The following UST variants were observed in gnomAD, a reference collection of about 807,000 sequenced individuals.
UST encodes the protein uronyl 2-sulfotransferase, also known as chondroitin sulfate 2-O-sulfotransferase.
UST carries 21 observed loss-of-function variants against 45.6 expected under a neutral mutation model. The observed-to-expected ratio is 0.46, with a 90% CI of 0.33 to 0.66. UST has a LOEUF of 0.66. Ranked by LOEUF, UST falls within the 30% of genes least tolerant of loss-of-function variation. The pLI is 0.02. For synonymous variants in UST, 215 were observed against 200.6 expected, an observed-to-expected ratio of 1.07 and a Z score of -0.61; for missense variants, 463 against 512.4, an observed-to-expected ratio of 0.90 and a Z score of 0.93.
intron 1 of UST, among the ~76,000 whole-genome samples, chr6:148,842,594 G>A (rs1264260833): frequency 6.6e-6 from 1 of 152,136 alleles, no homozygotes; most frequent in Admixed American, 6.5e-5. Context: ...AAGGTGGTGG[G>A]GAGTTTTCTC....
At chr6:148,786,274 G>A (rs184431003) in intron 1 of UST, among the ~76,000 whole-genome samples, 7 of 152,162 alleles carry the variant, frequency 4.6e-5, no homozygotes, top group African/African-American at 1.7e-4. Context: ...AGGATGTGCA[G>A]GTTCGTTACA....
At chr6:148,900,608 G>T (rs1043034514) in intron 2 of UST, among the ~76,000 whole-genome samples, 2 of 152,136 alleles carry the variant, frequency 1.3e-5, no homozygotes, top group Admixed American at 1.3e-4. Context: ...TTTGTAAATT[G>T]CCCAGTCTGG....
chr6:148,846,627 T>G (rs1777998025), intron 1 of UST, among the ~76,000 whole-genome samples: 1 of 151,980 alleles, frequency 6.6e-6, no homozygotes, highest in Non-Finnish European at 1.5e-5. Context: ...AATAAATAAA[T>G]AAATAAAATA....
At chr6:148,811,681 G>C (rs1175571295) in intron 1 of UST, among the ~76,000 whole-genome samples, 1 of 152,184 alleles carries the variant, frequency 6.6e-6, no homozygotes, top group Non-Finnish European at 1.5e-5. Flanking sequence ...CATGGCTTTT[G>C]CAGCATTTGA....
chr6:149,028,934 A>G (rs565300333), intron 7 of UST, among the ~76,000 whole-genome samples: 1 of 152,344 alleles, frequency 6.6e-6, no homozygotes, highest in African/African-American at 2.4e-5. Context: ...CCTAAGATTC[A>G]GCTCTTGAAA....
intron 2 of UST, among the ~76,000 whole-genome samples, chr6:148,937,850 G>T (rs1045461023): frequency 6.6e-6 from 1 of 152,194 alleles, no homozygotes; most frequent in Non-Finnish European, 1.5e-5. Flanking sequence ...TATGTTGGCA[G>T]CTCTGTCGTA....
At chr6:148,856,604 T>C (rs1477690455) in intron 1 of UST, among the ~76,000 whole-genome samples, 2 of 152,184 alleles carry the variant, frequency 1.3e-5, no homozygotes, top group African/African-American at 2.4e-5. Context: ...GAGATGGGAC[T>C]AGGGTTGCGG....
chr6:148,871,141 T>TCTCTCC (rs1358705372), intron 1 of UST, among the ~76,000 whole-genome samples: 6 of 149,368 alleles, frequency 4.0e-5, no homozygotes, highest in African/African-American at 1.5e-4. Context: ...TCTCTCTCTC[T>TCTCTCC]CTCTCCCTCT....
intron 1 of UST, among the ~76,000 whole-genome samples, chr6:148,772,941 CA>C (rs1213795189): frequency 8.5e-5 from 13 of 152,264 alleles, no homozygotes; most frequent in South Asian, 8.3e-4. Flanking sequence ...ACTTTATTAA[CA>C]TTTTTTTGCG....
intron 7 of UST, among the ~76,000 whole-genome samples, chr6:149,052,608 C>T (rs916714440): frequency 5.9e-5 from 9 of 152,124 alleles, no homozygotes; most frequent in Non-Finnish European, 1.0e-4. Context: ...CTCTCTCTCT[C>T]TCTCTCTGAA....
intron 7 of UST, among the ~76,000 whole-genome samples, chr6:149,063,491 C>A (rs1776687335): frequency 6.6e-6 from 1 of 152,184 alleles, no homozygotes; most frequent in South Asian, 2.1e-4. Flanking sequence ...GCCTTGCCAG[C>A]ACTATTGGTC....
chr6:148,947,146 G>A lies in UST; in HGVS notation c.447+5712G>A, dbSNP rs142975601. ...TCCCGAACTTTAAATGCTGGGCTTC[G>A]GAGTTGGAACTTTCTTCTGTAGACA... On this transcript the variant is annotated intron_variant, in intron 3 of 7. Coordinates refer to ENST00000367463, the MANE Select transcript of UST (RefSeq NM_005715.3). Among the ~76,000 whole-genome samples, 52 of 152,180 alleles carry A rather than the reference G, an allele frequency of 3.4e-4. No individual in the cohort carries two copies. In the East Asian group the frequency reaches 8.3e-3, roughly 24 times the overall value.
At chr6:148,800,133 G>T (rs1291423372) in intron 1 of UST, among the ~76,000 whole-genome samples, 2 of 152,158 alleles carry the variant, frequency 1.3e-5, no homozygotes, top group Non-Finnish European at 2.9e-5. Context: ...TAATAAAAAT[G>T]CTGGGCTTTG....
chr6:148,869,505 A>G (rs146717400), intron 1 of UST, among the ~76,000 whole-genome samples: 24 of 152,320 alleles, frequency 1.6e-4, no homozygotes, highest in African/African-American at 5.8e-4. Context: ...CTTATTTTAC[A>G]TTTGAAGGCC....
At chr6:148,979,071 G>A (rs932925438) in intron 5 of UST, among the ~76,000 whole-genome samples, 3 of 151,924 alleles carry the variant, frequency 2.0e-5, no homozygotes, top group South Asian at 2.1e-4. Context: ...AACACCCCTC[G>A]GCCCCGCATG....
intron 1 of UST, among the ~76,000 whole-genome samples, chr6:148,847,992 A>G (rs1340438841): frequency 6.6e-6 from 1 of 152,220 alleles, no homozygotes; most frequent in Non-Finnish European, 1.5e-5. Context: ...GTGACCCCCT[A>G]TAACCTAAGT....
chr6:148,833,272 G>A (rs996478029), intron 1 of UST, among the ~76,000 whole-genome samples: 17 of 152,190 alleles, frequency 1.1e-4, no homozygotes, highest in East Asian at 3.9e-4. Context: ...CGGATTGCTC[G>A]AGTTCGGGAG....
chr6:148,842,370 T>C (rs935638588), intron 1 of UST, among the ~76,000 whole-genome samples: 4 of 152,224 alleles, frequency 2.6e-5, no homozygotes, highest in Non-Finnish European at 4.4e-5. Flanking sequence ...ATCTGTTATA[T>C]GTAACTGTCT....
intron 2 of UST, among the ~76,000 whole-genome samples, chr6:148,924,662 C>T (rs1383405415): frequency 6.6e-6 from 1 of 152,152 alleles, no homozygotes; most frequent in African/African-American, 2.4e-5. Context: ...CTGAATTTCC[C>T]CTAGGCCGTC....
Sources: gnomAD v4.1 joint callset for allele counts (sites outside exome capture counted in the v4.1 genomes callset) on GRCh38, gnomAD v4.1.1 for gene constraint, MANE v1.5 for transcripts, NCBI Gene and HGNC (gene_info 2026-07-23, HGNC 2026-07-21) for gene names.